Variants in ERC1 observed in about 807,000 individuals in gnomAD.
ERC1 encodes ELKS/RAB6-interacting/CAST family member 1, also known as RAB6 interacting protein 2.
In ERC1, 56 loss-of-function variants were observed where a neutral mutation model predicts 132.0. The observed-to-expected ratio is 0.42, with a 90% CI of 0.34 to 0.53. The LOEUF is 0.53. ERC1 is among the 20% of genes least tolerant of loss of function. The probability of loss-of-function intolerance (pLI) is 0.03; values close to 1 mark genes in which losing one functional copy is unlikely to be tolerated. For missense variants in ERC1, 1,202 were observed against 1,349.9 expected (o/e 0.89, Z 1.72); for synonymous variants, 478 against 476.1 (o/e 1.00, Z -0.05).
chr12:1,269,619 G>A (rs746663548), intron 14 of ERC1, among the ~76,000 whole-genome samples: 7 of 152,110 alleles, frequency 4.6e-5, no homozygotes, highest in South Asian at 4.1e-4. Context: ...TTAGAGGGGG[G>A]TAAGATTGAA....
intron 2 of ERC1, among the ~76,000 whole-genome samples, chr12:1,076,946 G>A (rs1303463496): frequency 6.6e-6 from 1 of 152,158 alleles, no homozygotes; most frequent in East Asian, 1.9e-4. Context: ...TAAGCATACA[G>A]CCCTGGGCAG....
intron 11 of ERC1, among the ~76,000 whole-genome samples, chr12:1,189,193 T>G (rs949782308): frequency 3.3e-5 from 5 of 152,206 alleles, no homozygotes; most frequent in African/African-American, 9.7e-5. Context: ...GATTACAGGC[T>G]CAAGCCACTG....
chr12:1,448,900 G>C (rs1373907855), intron 18 of ERC1, among the ~76,000 whole-genome samples: 1 of 152,256 alleles, frequency 6.6e-6, no homozygotes, highest in African/African-American at 2.4e-5. Flanking sequence ...TAGGCACTCA[G>C]TTGTCAGCCC....
intron 15 of ERC1, among the ~76,000 whole-genome samples, chr12:1,341,334 A>G (rs1017175528): frequency 6.6e-6 from 1 of 151,742 alleles, no homozygotes; most frequent in African/African-American, 2.4e-5. Context: ...TGAGGATTAT[A>G]AATCATGCTA....
At chr12:1,066,736 C>T (rs1826730735) in intron 2 of ERC1, among the ~76,000 whole-genome samples, 1 of 150,558 alleles carries the variant, frequency 6.6e-6, no homozygotes, top group African/African-American at 2.5e-5. Flanking sequence ...ATTCAGGAGG[C>T]TGAGGCAGGA....
chr12:1,482,635 C>T (rs983641678), intron 18 of ERC1, among the ~76,000 whole-genome samples: 31 of 151,978 alleles, frequency 2.0e-4, no homozygotes, highest in African/African-American at 6.8e-4. Context: ...TTTTGATAGA[C>T]GGGGTTTCAC....
chr12:1,311,550 A>G (rs1468947583), intron 15 of ERC1, among the ~76,000 whole-genome samples: 3 of 152,198 alleles, frequency 2.0e-5, no homozygotes, highest in Non-Finnish European at 2.9e-5. Context: ...TAGTTGTCCT[A>G]TTAATGGGGA....
chr12:1,240,356 T>A (rs1388190796), intron 13 of ERC1, among the ~76,000 whole-genome samples: 2 of 152,202 alleles, frequency 1.3e-5, no homozygotes, highest in Non-Finnish European at 2.9e-5. Flanking sequence ...CCTATACTTT[T>A]GCATGTTTGA....
At chr12:1,303,955 G>GAAAAAAAAAAAA (rs59587052) in intron 15 of ERC1, among the ~76,000 whole-genome samples, 58 of 86,472 alleles carry the variant, frequency 6.7e-4, no homozygotes, top group Admixed American at 1.8e-3. Context: ...CTCCATCTCA[G>GAAAAAAAAAAAA]AAAAAAAAAA....
intron 13 of ERC1, among the ~76,000 whole-genome samples, chr12:1,247,034 A>T (rs2076195536): frequency 6.6e-6 from 1 of 151,844 alleles, no homozygotes; most frequent in African/African-American, 2.4e-5. Context: ...GAGGCTGAAG[A>T]GGGAGGATCA....
chr12:996,686 A>G (rs1283829903), intron 1 of ERC1, among the ~76,000 whole-genome samples: 2 of 152,214 alleles, frequency 1.3e-5, no homozygotes, highest in African/African-American at 4.8e-5. Context: ...TGTTAATTTT[A>G]TGTACACTTA....
chr12:1,102,673 T>C lies in ERC1; in HGVS notation c.1087-2077T>C, dbSNP rs540931900. On this transcript the variant is annotated intron_variant, in intron 3 of 18. Transcript: ENST00000360905. The stretch of plus-strand genomic sequence containing the variant: ...TAGGTGCTTTGGATCCATCAGTGAA[T>C]GAATGAAACAAAGATCTTAGCTTTT... 2.0e-5 allele frequency among the ~76,000 whole-genome samples: 3 copies of C among 152,328 alleles called. No homozygotes were observed. The South Asian group carries it at 6.2e-4, about 32-fold the overall frequency.
At position 1,146,626 on chromosome 12, in the gene ERC1, TA is replaced by T. The variant is rs1341095121; in HGVS notation, c.1737+4842del. Among the ~76,000 whole-genome samples the T allele has an allele frequency of 2.7e-4, 40 of 149,682 alleles. 1 individual carries two copies. The highest frequency in any genetic ancestry group is 2.4e-3 in the South Asian group (11 of 4,678). On this transcript the variant is annotated intron_variant, in intron 8 of 18. Coordinates refer to ENST00000360905, the MANE Select transcript of ERC1 (RefSeq NM_178040.4). ...CTTCCAGTACTGTTTTTTTTTTTTT[TA>T]AATTTTATTATTATACTGTAAGTTC...
At chr12:1,289,717 C>G (rs2079302812) in intron 14 of ERC1, 135 bp from the exon 15 acceptor site, 4 of 633,220 alleles carry the variant, frequency 6.3e-6, no homozygotes, top group Non-Finnish European at 1.1e-5. Context: ...ATAACTGATC[C>G]AGAAAGAGTA....
chr12:1,208,569 G>A (rs1219599744), intron 12 of ERC1, among the ~76,000 whole-genome samples: 2 of 152,070 alleles, frequency 1.3e-5, no homozygotes, highest in Admixed American at 6.5e-5. Flanking sequence ...GCATGGGGGT[G>A]AAGGGTTGGA....
chr12:1,448,553 A>G (rs2093357753), intron 18 of ERC1, among the ~76,000 whole-genome samples: 1 of 152,214 alleles, frequency 6.6e-6, no homozygotes, highest in Admixed American at 6.5e-5. Flanking sequence ...CCAAATATGC[A>G]TATTGGTTTA....
In ERC1 at chr12:1,027,851, T is replaced by TTTGTTG. The variant is rs143595866; in HGVS notation, c.-40_-35dup. The stretch of plus-strand genomic sequence containing the variant: ...AGAGACACCTCACAAGGTTCCCATT[T>TTTGTTG]TTGTTGTTGTTGTTGTTGATTTTCT... On this transcript the variant is annotated 5_prime_UTR_variant, in exon 2 of 19. Transcript: ENST00000360905. 2.0e-6 allele frequency: 3 copies of TTTGTTG among 1,465,304 alleles called. No individual in the cohort carries two copies. In the African/African-American group the frequency reaches 4.2e-5, roughly 21 times the overall value. The allele number at this position is 1,465,304 out of a possible 1,614,324, so 90.8% of individuals were successfully genotyped here.
At chr12:1,373,667 A>G (rs1001913850) in intron 16 of ERC1, among the ~76,000 whole-genome samples, 1 of 152,118 alleles carries the variant, frequency 6.6e-6, no homozygotes, top group Admixed American at 6.6e-5. Context: ...GTAGTCCCAG[A>G]TACTTGGGAG....
chr12:1,032,109 G>A (rs1236185362), intron 2 of ERC1, among the ~76,000 whole-genome samples: 3 of 150,754 alleles, frequency 2.0e-5, no homozygotes, highest in Admixed American at 1.3e-4. Flanking sequence ...GCAGCGATGC[G>A]ATCTTGGCTC....
Sources: allele counts gnomAD v4.1 joint callset (sites outside exome capture counted in the v4.1 genomes callset), GRCh38; gene constraint gnomAD v4.1.1; transcripts MANE v1.5; gene names NCBI Gene and HGNC (gene_info 2026-07-23, HGNC 2026-07-21).